HSD17B6: variants seen among roughly 807,000 people sequenced by gnomAD.
HSD17B6 encodes 17-beta-hydroxysteroid dehydrogenase type 6.
A neutral mutation model predicts 26.4 loss-of-function variants in HSD17B6; 16 were observed. That is an observed-to-expected ratio of 0.61 (90% CI 0.41 to 0.92). HSD17B6 has a LOEUF of 0.92. HSD17B6 is among the 40% of genes least tolerant of loss of function. The probability of loss-of-function intolerance (pLI) is 0.00; values close to 1 mark genes in which losing one functional copy is unlikely to be tolerated. For synonymous variants in HSD17B6, 139 were observed against 153.0 expected, an observed-to-expected ratio of 0.91 and a Z score of 0.68; for missense variants, 357 against 386.1, an observed-to-expected ratio of 0.92 and a Z score of 0.63.
In HSD17B6 at chr12:56,787,139, A is replaced by G; in HGVS notation, c.751A>G (p.Lys251Glu). 1 of 1,613,168 alleles carries G rather than the reference A, an allele frequency of 6.2e-7. No individual in the cohort carries two copies. The highest frequency in any genetic ancestry group is 1.1e-5 in the South Asian group (1 of 91,052). The change falls in exon 5 of 5, where the codon AAG (lysine) becomes GAG (glutamate). Residue 251 changes from lysine (K) to glutamate (E), a missense_variant. Coordinates refer to ENST00000322165, the MANE Select transcript of HSD17B6 (RefSeq NM_003725.4). ...QYFDALYNIMKEGLLNCSTNL... is the reference protein window; with the variant it reads ...QYFDALYNIMEEGLLNCSTNL... Reference sequence around the variant, plus strand: ...TTTGTATACAGTTTACAATATCATGAAGGAAGGGCTGTTGAATTGTAGCAC... The same window carrying G: ...TTTGTATACAGTTTACAATATCATGGAGGAAGGGCTGTTGAATTGTAGCAC...
rs1954904496 is a variant in HSD17B6 at position 56,787,502 on chromosome 12, G to C, written c.*160G>C. ...AGAGTACTAACATGTTTATATTTCA[G>C]ATATCCAAAGCTTACCACTTTAGGT... is the stretch of plus-strand genomic sequence containing the variant. On this transcript the variant is annotated 3_prime_UTR_variant, in exon 5 of 5. Coordinates refer to ENST00000322165, the MANE Select transcript of HSD17B6 (RefSeq NM_003725.4). 1.7e-6 allele frequency: 1 copy of C among 605,190 alleles called. No individual in the cohort carries two copies. Among genetic ancestry groups the C allele is most frequent in the African/African-American group, 1.9e-5 (1 of 53,936 alleles). 37.5% of individuals were successfully genotyped at this position (605,190 alleles called of 1,614,324 possible).
chr12:56,778,674 C>CT (rs1159153527), intron 2 of HSD17B6, among the ~76,000 whole-genome samples: 1,358 of 122,956 alleles, frequency 0.011, 16 homozygotes, highest in Middle Eastern at 0.014. Flanking sequence ...GAGTCTTTTT[C>CT]TTTTTTTTTT....
chr12:56,778,877 G>A lies in HSD17B6; in HGVS notation c.314-3097G>A, dbSNP rs374026751. Among the ~76,000 whole-genome samples the A allele has an allele frequency of 6.8e-3, 1,037 of 151,538 alleles. 8 individuals carry two copies. Among genetic ancestry groups the A allele is most frequent in the Non-Finnish European group, 8.7e-3 (590 of 67,902 alleles). On this transcript the variant is annotated intron_variant, in intron 2 of 4. Coordinates refer to ENST00000322165, the MANE Select transcript of HSD17B6 (RefSeq NM_003725.4). Reference sequence around the variant, plus strand: ...TTTTTAGTGGAGACGGGGTTTCACCGTGTTTGCCAGGATGCTCTCGATTTC... The same window carrying A: ...TTTTTAGTGGAGACGGGGTTTCACCATGTTTGCCAGGATGCTCTCGATTTC...
rs777694591 is a variant in HSD17B6, at chr12:56,784,919, G to C, written c.639G>C (p.Met213Ile). The C allele has an allele frequency of 5.6e-6, 9 of 1,614,120 alleles. No homozygotes were observed. In the South Asian group the frequency reaches 9.9e-5, roughly 18 times the overall value. Reference protein sequence around the residue: ...IVEPGYFRTGMTNMTQSLERM... With the variant: ...IVEPGYFRTGITNMTQSLERM... Reference sequence around the variant, plus strand: ...AACCTGGCTACTTCAGAACGGGAATGACAAACATGACACAGTCCTTAGAGC... The same window carrying C: ...AACCTGGCTACTTCAGAACGGGAATCACAAACATGACACAGTCCTTAGAGC... The change falls in exon 4 of 5, where the codon ATG (methionine) becomes ATC (isoleucine). Residue 213 changes from methionine to isoleucine, a missense_variant. Transcript: ENST00000322165.
intron 2 of HSD17B6, among the ~76,000 whole-genome samples, chr12:56,779,593 T>A (rs1389490383): frequency 6.6e-6 from 1 of 152,236 alleles, no homozygotes; most frequent in Non-Finnish European, 1.5e-5. Context: ...TCTCTATTTC[T>A]GTTTCCCTAG....
chr12:56,773,690 C>T, intron 1 of HSD17B6, 144 bp from the exon 2 acceptor site: 1 of 719,886 alleles, frequency 1.4e-6, no homozygotes, highest in Admixed American at 3.4e-5. Flanking sequence ...CCTCTCTAGA[C>T]TGTGGCCCCT....
chr12:56,777,114 G>A (rs531807710), intron 2 of HSD17B6, among the ~76,000 whole-genome samples: 28 of 152,254 alleles, frequency 1.8e-4, no homozygotes, highest in African/African-American at 6.5e-4. Context: ...GGGTGTAGTG[G>A]CTACACATCT....
At chr12:56,766,146 T>C in intron 1 of HSD17B6, among the ~76,000 whole-genome samples, 1 of 147,904 alleles carries the variant, frequency 6.8e-6, no homozygotes, top group African/African-American at 2.5e-5. Context: ...AAAAACCCCC[T>C]TTAAATGTAA....
chr12:56,782,516 G>GA (rs1205263909), intron 3 of HSD17B6, among the ~76,000 whole-genome samples: 1 of 151,918 alleles, frequency 6.6e-6, no homozygotes, highest in Admixed American at 6.6e-5. Flanking sequence ...TTTGAGACAG[G>GA]GTCTCACTCT....
At chr12:56,779,014 CTG>C (rs1272383888) in intron 2 of HSD17B6, among the ~76,000 whole-genome samples, 7 of 152,082 alleles carry the variant, frequency 4.6e-5, no homozygotes, top group African/African-American at 1.7e-4. Flanking sequence ...TTCAACTTTT[CTG>C]TGTCTCTGTA....
intron 1 of HSD17B6, among the ~76,000 whole-genome samples, chr12:56,766,398 G>C (rs1168745441): frequency 6.6e-6 from 1 of 152,270 alleles, no homozygotes; most frequent in East Asian, 1.9e-4. Context: ...CCAGGTCTTT[G>C]CTCTCACTAT....
chr12:56,764,068 C>CAAAAAAAA (rs71081400), intron 1 of HSD17B6, among the ~76,000 whole-genome samples: 18 of 74,328 alleles, frequency 2.4e-4, no homozygotes, highest in East Asian at 1.1e-3. Flanking sequence ...GACCGTGTCT[C>CAAAAAAAA]AAAAAAAAAA....
intron 2 of HSD17B6, among the ~76,000 whole-genome samples, chr12:56,777,824 C>A (rs1264667239): frequency 6.6e-6 from 1 of 152,090 alleles, no homozygotes; most frequent in African/African-American, 2.4e-5. Flanking sequence ...GAGTTCAACA[C>A]CAGCCTGGGC....
Position 56,784,361 on chromosome 12 carries a change from C to T in HSD17B6, c.573-492C>T, listed in dbSNP as rs565713354. On this transcript the variant is annotated intron_variant, in intron 3 of 4. Coordinates refer to ENST00000322165, the MANE Select transcript of HSD17B6 (RefSeq NM_003725.4). ...TGGAGGTTGTAGCGAGCCGAGATCA[C>T]GCCACTGCACTCCAGCCTGGGCACC... Among the ~76,000 whole-genome samples the T allele has an allele frequency of 8.7e-4, 133 of 152,300 alleles. 2 individuals carry two copies. The highest frequency in any genetic ancestry group is 3.1e-3 in the African/African-American group (129 of 41,582).
At chr12:56,771,448 A>AT (rs35374137) in intron 1 of HSD17B6, among the ~76,000 whole-genome samples, 2,275 of 93,242 alleles carry the variant, frequency 0.024, 75 homozygotes, top group African/African-American at 0.07. Context: ...AAGGGTTGCA[A>AT]TTTTTTTTTT....
intron 3 of HSD17B6, among the ~76,000 whole-genome samples, chr12:56,784,126 G>A (rs1440646786): frequency 3.9e-5 from 6 of 151,906 alleles, no homozygotes; most frequent in South Asian, 2.1e-4. Context: ...GATGGCGGCC[G>A]GGAAGAGGTG....
At chr12:56,774,700 A>G (rs1463290398) in intron 2 of HSD17B6, among the ~76,000 whole-genome samples, 2 of 152,250 alleles carry the variant, frequency 1.3e-5, no homozygotes, top group East Asian at 3.8e-4. Flanking sequence ...ACAGATCATC[A>G]GGCATTAGAT....
intron 4 of HSD17B6, among the ~76,000 whole-genome samples, chr12:56,786,333 T>A (rs547204967): frequency 2.0e-5 from 3 of 146,514 alleles, no homozygotes; most frequent in South Asian, 2.2e-4. Context: ...CACTGCAACC[T>A]CTGCCTCCCG....
intron 3 of HSD17B6, among the ~76,000 whole-genome samples, chr12:56,783,521 G>A (rs1239640991): frequency 3.4e-5 from 5 of 145,346 alleles, no homozygotes; most frequent in African/African-American, 7.6e-5. Context: ...CCCGGATGGG[G>A]CGGCCGGCCG....
Sources: gnomAD v4.1 joint callset for allele counts (sites outside exome capture counted in the v4.1 genomes callset) on GRCh38, gnomAD v4.1.1 for gene constraint, MANE v1.5 for transcripts, NCBI Gene and HGNC (gene_info 2026-07-23, HGNC 2026-07-21) for gene names.